The following SAMD12 variants were observed in gnomAD, a reference collection of about 807,000 sequenced individuals.
The protein encoded by SAMD12 is sterile alpha motif domain containing 12.
Under a neutral mutation model 15.0 loss-of-function variants are expected in SAMD12, and 9 were observed. That is an observed-to-expected ratio of 0.60 (90% CI 0.36 to 1.05). The LOEUF is 1.05. Ranked by LOEUF, SAMD12 falls within the 50% of genes least tolerant of loss-of-function variation. The pLI is 0.01. For synonymous variants in SAMD12, 86 were observed against 90.1 expected (o/e 0.96, Z 0.25); for missense variants, 230 against 234.2 (o/e 0.98, Z 0.12).
chr8:118,351,791 T>G (rs1167768190), intron 4 of SAMD12, among the ~76,000 whole-genome samples: 3 of 152,104 alleles, frequency 2.0e-5, no homozygotes, highest in Non-Finnish European at 4.4e-5. Flanking sequence ...CTGCAGAGTG[T>G]GTCTAAAAAA....
At chr8:118,244,451 C>T (rs539649053) in intron 4 of SAMD12, among the ~76,000 whole-genome samples, 1 of 152,228 alleles carries the variant, frequency 6.6e-6, no homozygotes, top group African/African-American at 2.4e-5. Context: ...TATCTGTCTT[C>T]TTCCATTCAG....
intron 4 of SAMD12, among the ~76,000 whole-genome samples, chr8:118,291,929 C>T (rs1340210775): frequency 2.0e-5 from 3 of 151,270 alleles, no homozygotes; most frequent in Non-Finnish European, 4.4e-5. Context: ...AAGCATGCTC[C>T]TGTTTCACCT....
intron 4 of SAMD12, among the ~76,000 whole-genome samples, chr8:118,223,965 G>T (rs1053598888): frequency 6.6e-6 from 1 of 152,144 alleles, no homozygotes; most frequent in African/African-American, 2.4e-5. Context: ...GGTAACAATT[G>T]CAATATATGT....
At chr8:118,271,144 G>C (rs1435125616) in intron 4 of SAMD12, among the ~76,000 whole-genome samples, 1 of 152,146 alleles carries the variant, frequency 6.6e-6, no homozygotes, top group Non-Finnish European at 1.5e-5. Flanking sequence ...ATTTATAAAG[G>C]AAAGAGGTTT....
At chr8:118,159,289 G>T in the SAMD12 span, among the ~76,000 whole-genome samples, 7 of 152,158 alleles carry the variant, frequency 4.6e-5, no homozygotes, top group African/African-American at 1.7e-4. Flanking sequence ...GGTACACCTA[G>T]TCCAGTTGCA....
chr8:118,452,559 G>A (rs1045193772), intron 2 of SAMD12, among the ~76,000 whole-genome samples: 2 of 152,086 alleles, frequency 1.3e-5, no homozygotes, highest in African/African-American at 4.8e-5. Context: ...GTCCATGCAT[G>A]TATCTTTACA....
chr8:118,618,752 T>C (rs1313339191), intron 1 of SAMD12, among the ~76,000 whole-genome samples: 1 of 148,048 alleles, frequency 6.8e-6, no homozygotes, highest in Non-Finnish European at 1.5e-5. Flanking sequence ...GGCAGGAAAA[T>C]GGCGTGAACC....
At chr8:118,135,325 G>A in the SAMD12 span, among the ~76,000 whole-genome samples, 1 of 152,080 alleles carries the variant, frequency 6.6e-6, no homozygotes, top group Non-Finnish European at 1.5e-5. Flanking sequence ...GGGATTACAG[G>A]CATATATCAC....
chr8:118,438,707 T>C (rs757364394), intron 3 of SAMD12, among the ~76,000 whole-genome samples: 2 of 152,104 alleles, frequency 1.3e-5, no homozygotes, highest in African/African-American at 2.4e-5. Flanking sequence ...TTTAAAGTAA[T>C]AGGAGTGAAC....
the SAMD12 span, among the ~76,000 whole-genome samples, chr8:118,157,330 A>G: frequency 1.6e-4 from 25 of 152,154 alleles, no homozygotes; most frequent in African/African-American, 6.0e-4. Flanking sequence ...CAGACTCTTC[A>G]TCAGTAAAAT....
At chr8:118,163,642 G>C in the SAMD12 span, among the ~76,000 whole-genome samples, 1 of 152,090 alleles carries the variant, frequency 6.6e-6, no homozygotes, top group Non-Finnish European at 1.5e-5. Context: ...TTGGGAGGCC[G>C]AGGCGGGCGG....
chr8:118,400,817 G>A lies in SAMD12; in HGVS notation c.323-21117C>T, dbSNP rs117411817. Among the ~76,000 whole-genome samples the A allele has an allele frequency of 1.8e-3, 279 of 152,164 alleles. 2 individuals are homozygous for A. The highest frequency in any genetic ancestry group is 3.4e-3 in the Non-Finnish European group (234 of 68,008). On this transcript the variant is annotated intron_variant, in intron 3 of 3. Transcript: ENST00000314727. ...GACAGCCTTTGTCAAAAGAAAGGCC[G>A]ATTCCAATGAATACTGATCAGCCAC...
intron 2 of SAMD12, among the ~76,000 whole-genome samples, chr8:118,501,229 T>C (rs911004264): frequency 1.3e-5 from 2 of 152,240 alleles, no homozygotes; most frequent in African/African-American, 4.8e-5. Flanking sequence ...TCTTGTTTTA[T>C]TCTCTCAATG....
intron 2 of SAMD12, among the ~76,000 whole-genome samples, chr8:118,530,290 G>GTA (rs1345543270): frequency 6.6e-6 from 1 of 152,162 alleles, no homozygotes; most frequent in Non-Finnish European, 1.5e-5. Context: ...TGTCACAGGG[G>GTA]TTTGGTGTAC....
chr8:118,424,146 C>T (rs2130853823), intron 3 of SAMD12, among the ~76,000 whole-genome samples: 1 of 152,210 alleles, frequency 6.6e-6, no homozygotes, highest in East Asian at 1.9e-4. Flanking sequence ...AGGGCCTTAA[C>T]TAGATTAGTG....
intron 4 of SAMD12, among the ~76,000 whole-genome samples, chr8:118,346,640 G>A (rs907088106): frequency 1.3e-5 from 2 of 152,114 alleles, no homozygotes; most frequent in South Asian, 2.1e-4. Flanking sequence ...AGCAACCCCA[G>A]GTTCTGCGAT....
intron 1 of SAMD12, among the ~76,000 whole-genome samples, chr8:118,613,756 T>C (rs1245474632): frequency 2.6e-5 from 4 of 152,214 alleles, no homozygotes; most frequent in Non-Finnish European, 4.4e-5. Context: ...TTTTCTCTTT[T>C]GCAAGATCTG....
At chr8:118,371,561 C>T (rs762089005) in intron 4 of SAMD12, among the ~76,000 whole-genome samples, 5 of 152,038 alleles carry the variant, frequency 3.3e-5, no homozygotes, top group African/African-American at 4.8e-5. Context: ...CAGGTGACAG[C>T]GTGAGTCATG....
intron 2 of SAMD12, among the ~76,000 whole-genome samples, chr8:118,465,475 T>C (rs1823568000): frequency 6.6e-6 from 1 of 152,204 alleles, no homozygotes; most frequent in Admixed American, 6.5e-5. Context: ...AAGGGACTTC[T>C]CATTTGTCAG....
Sources: gnomAD v4.1 joint callset for allele counts (sites outside exome capture counted in the v4.1 genomes callset) on GRCh38, gnomAD v4.1.1 for gene constraint, MANE v1.5 for transcripts, NCBI Gene and HGNC (gene_info 2026-07-23, HGNC 2026-07-21) for gene names.